Variants in CCT3 observed in about 807,000 individuals in gnomAD.
CCT3 encodes T-complex protein 1 subunit gamma.
In CCT3, 10 loss-of-function variants were observed where a neutral mutation model predicts 65.3. The ratio of observed to expected loss-of-function variants is 0.15; its 90% confidence interval spans 0.09 to 0.26. The LOEUF is 0.26. Ranked by LOEUF, CCT3 falls within the 10% of genes least tolerant of loss-of-function variation. CCT3 has a pLI of 1.00. For missense variants in CCT3, 626 were observed against 708.7 expected, an observed-to-expected ratio of 0.88 and a Z score of 1.33; for synonymous variants, 225 against 242.3, an observed-to-expected ratio of 0.93 and a Z score of 0.66.
intron 12 of CCT3, 74 bp downstream of exon 12, chr1:156,310,876 G>C (rs1338255063): frequency 8.4e-6 from 13 of 1,542,520 alleles, no homozygotes; most frequent in Non-Finnish European, 1.1e-5. Flanking sequence ...TGGATAGCCA[G>C]ATAAGAATCT....
At position 156,310,868 on chromosome 1, in the gene CCT3, G is replaced by C. The variant is rs1380892030; in HGVS notation, c.1401+82C>G. 3 of 1,520,490 alleles carry C rather than the reference G, an allele frequency of 2.0e-6. No homozygotes were observed. In the African/African-American group the frequency reaches 4.2e-5, roughly 21 times the overall value. The allele number at this position is 1,520,490 out of a possible 1,614,324, so 94.2% of individuals were successfully genotyped here. A position where few individuals can be genotyped will look rare whatever the true frequency, so the allele number is the denominator to read the frequency against. On this transcript the variant is annotated intron_variant, in intron 12 of 13. Transcript: ENST00000295688. ...AGGAATAGACTATAAAGAGAATTTG[G>C]ATAGCCAGATAAGAATCTTCCCCTC...
At chr1:156,326,732 TCTC>T (rs1225474293) in intron 5 of CCT3, among the ~76,000 whole-genome samples, 1 of 150,694 alleles carries the variant, frequency 6.6e-6, no homozygotes, top group African/African-American at 2.4e-5. Flanking sequence ...TGGTAAAACA[TCTC>T]CTTCTTTTAA....
chr1:156,316,211 T>C (rs1664306303), intron 10 of CCT3, among the ~76,000 whole-genome samples: 1 of 152,282 alleles, frequency 6.6e-6, no homozygotes, highest in African/African-American at 2.4e-5. Context: ...TTATGCTATA[T>C]TAGGCATTAT....
chr1:156,334,112 G>A (rs781474990), intron 4 of CCT3, among the ~76,000 whole-genome samples: 9 of 151,992 alleles, frequency 5.9e-5, no homozygotes, highest in Non-Finnish European at 1.0e-4. Flanking sequence ...GGTGGCATGC[G>A]CTTGTAATTC....
chr1:156,323,138 C>G (rs1305041581), intron 6 of CCT3, among the ~76,000 whole-genome samples: 1 of 151,912 alleles, frequency 6.6e-6, no homozygotes, highest in Non-Finnish European at 1.5e-5. Flanking sequence ...GAAACCCTGT[C>G]TCTACTAAAA....
At chr1:156,314,504 C>T (rs1012501264) in intron 10 of CCT3, among the ~76,000 whole-genome samples, 10 of 141,064 alleles carry the variant, frequency 7.1e-5, no homozygotes, top group Non-Finnish European at 1.6e-5. Context: ...CACCTGAGGT[C>T]GGGAGTTCAA....
At chr1:156,317,916 G>T (rs1188834369) in intron 8 of CCT3, among the ~76,000 whole-genome samples, 2 of 151,906 alleles carry the variant, frequency 1.3e-5, no homozygotes, top group African/African-American at 4.8e-5. Context: ...GTTTCACCAC[G>T]TTAGCCAGGA....
In CCT3 at chr1:156,310,951, C is replaced by G. The variant is rs944741352; in HGVS notation, c.1400G>C (p.Arg467Pro). The G allele has an allele frequency of 6.2e-7, 1 of 1,613,512 alleles. No homozygotes were observed. The highest frequency in any genetic ancestry group is 8.5e-7 in the Non-Finnish European group (1 of 1,179,666). Residue 467 changes from arginine (R) to proline (P), a missense_variant and splice_region_variant, in exon 12 of 14, where the codon CGG (arginine) becomes CCG (proline). Arg to Pro is a moderately radical substitution (Grantham distance 103). Coordinates refer to ENST00000295688, the MANE Select transcript of CCT3 (RefSeq NM_005998.5). Reference sequence around the variant, plus strand: ...AGAAAAGCTTGGAGAGGAACTCACCCGAAGGGAGGTAAGTAGACGGATGGT... The same window carrying G: ...AGAAAAGCTTGGAGAGGAACTCACCGGAAGGGAGGTAAGTAGACGGATGGT... ...ASTIRLLTSL[R>P]AKHTQENCET...
intron 4 of CCT3, 95 bp downstream of exon 4, chr1:156,334,618 C>T: frequency 3.6e-6 from 4 of 1,101,692 alleles, no homozygotes; most frequent in Non-Finnish European, 5.4e-6. Context: ...GTTATAGCAG[C>T]CCTAAAAAAC....
At chr1:156,336,890 A>G (rs1371476847) in intron 1 of CCT3, among the ~76,000 whole-genome samples, 1 of 152,068 alleles carries the variant, frequency 6.6e-6, no homozygotes, top group African/African-American at 2.4e-5. Flanking sequence ...ATCAGAAAGA[A>G]GGCGGCTTTT....
At chr1:156,329,540 C>T (rs773632745) in intron 5 of CCT3, among the ~76,000 whole-genome samples, 1 of 151,830 alleles carries the variant, frequency 6.6e-6, no homozygotes, top group African/African-American at 2.4e-5. Context: ...TTCCAGACCT[C>T]GTGATCTGCC....
chr1:156,314,104 A>AAAAAC (rs1215649044), intron 10 of CCT3, among the ~76,000 whole-genome samples: 23 of 136,806 alleles, frequency 1.7e-4, no homozygotes, highest in African/African-American at 4.6e-4. Flanking sequence ...AAAAAAAAAA[A>AAAAAC]GTCAACATTA....
At chr1:156,312,477 T>C (rs1220572660) in intron 10 of CCT3, among the ~76,000 whole-genome samples, 4 of 151,904 alleles carry the variant, frequency 2.6e-5, no homozygotes, top group Non-Finnish European at 5.9e-5. Context: ...CCGGGCAACA[T>C]AACAAGACTC....
chr1:156,319,032 A>ACT lies in CCT3; in HGVS notation c.610-17_610-16dup. ...CCTCCAGGTATCTGAACAAAAGACA[A>ACT]CTGCACTTTAATCCACAATCAAGAG... On this transcript the variant is annotated splice_polypyrimidine_tract_variant and intron_variant, in intron 7 of 13. Coordinates refer to ENST00000295688, the MANE Select transcript of CCT3 (RefSeq NM_005998.5). The ACT allele has an allele frequency of 6.3e-7, 1 of 1,580,312 alleles. No homozygotes were observed. The highest frequency in any genetic ancestry group is 8.6e-7 in the Non-Finnish European group (1 of 1,162,974).
intron 6 of CCT3, among the ~76,000 whole-genome samples, chr1:156,322,870 C>T (rs1224651704): frequency 6.6e-6 from 1 of 151,676 alleles, no homozygotes; most frequent in East Asian, 1.9e-4. Flanking sequence ...AAAAAAAAGG[C>T]TTTCTAAGCG....
intron 7 of CCT3, among the ~76,000 whole-genome samples, chr1:156,319,758 T>C (rs992896365): frequency 6.6e-6 from 1 of 152,074 alleles, no homozygotes; most frequent in Non-Finnish European, 1.5e-5. Flanking sequence ...AAAATAAATA[T>C]ATTGCCAGAG....
chr1:156,328,063 C>G (rs61814803), intron 5 of CCT3, among the ~76,000 whole-genome samples: 2 of 4,450 alleles, frequency 4.5e-4, no homozygotes, highest in Non-Finnish European at 9.0e-4. Context: ...CCCCATCTGG[C>G]AGGGAGGTGG....
At chr1:156,325,701 C>T (rs946248468) in intron 5 of CCT3, among the ~76,000 whole-genome samples, 6 of 152,068 alleles carry the variant, frequency 3.9e-5, no homozygotes, top group African/African-American at 1.4e-4. Context: ...CCTCGGCCTC[C>T]CAAGTAGCTG....
intron 1 of CCT3, chr1:156,337,237 G>A (rs933308643): frequency 4.2e-5 from 15 of 354,732 alleles, no homozygotes; most frequent in Non-Finnish European, 7.3e-5. Context: ...GTGAAACTCC[G>A]TCTCTACCAA....
Sources: allele counts gnomAD v4.1 joint callset (sites outside exome capture counted in the v4.1 genomes callset), GRCh38; gene constraint gnomAD v4.1.1; transcripts MANE v1.5; gene names NCBI Gene and HGNC (gene_info 2026-07-23, HGNC 2026-07-21).